Variants in RAPGEF4 observed in about 807,000 individuals in gnomAD.
RAPGEF4 encodes Rap guanine nucleotide exchange factor 4.
A neutral mutation model predicts 147.9 loss-of-function variants in RAPGEF4; 66 were observed. The observed-to-expected ratio is 0.45, with a 90% CI of 0.37 to 0.55. RAPGEF4 has a LOEUF of 0.55. RAPGEF4 is among the 20% of genes least tolerant of loss of function. The pLI is 0.00. For synonymous variants in RAPGEF4, 419 were observed against 442.7 expected (o/e 0.95, Z 0.67); for missense variants, 1,071 against 1,257.3 (o/e 0.85, Z 2.24).
intron 25 of RAPGEF4, 91 bp downstream of exon 25, chr2:173,027,350 G>A (rs1326004780): frequency 2.1e-5 from 24 of 1,129,056 alleles, no homozygotes; most frequent in East Asian, 2.1e-4. Flanking sequence ...AGAAAAGCAG[G>A]ATCTAGGAAC....
chr2:173,038,392 T>C (rs1684316969), intron 29 of RAPGEF4, among the ~76,000 whole-genome samples: 1 of 152,320 alleles, frequency 6.6e-6, no homozygotes, highest in Middle Eastern at 3.4e-3. Context: ...AATTATAAAA[T>C]ATACATGTGC....
intron 15 of RAPGEF4, among the ~76,000 whole-genome samples, chr2:172,991,557 C>A (rs905450641): frequency 6.6e-6 from 1 of 152,168 alleles, no homozygotes; most frequent in Non-Finnish European, 1.5e-5. Context: ...AAGACTGCAT[C>A]AAATGTACCA....
chr2:172,915,522 C>T (rs898819425), intron 4 of RAPGEF4, among the ~76,000 whole-genome samples: 1 of 150,714 alleles, frequency 6.6e-6, no homozygotes, highest in South Asian at 2.1e-4. Context: ...GACAACATGA[C>T]GAAACTCTGT....
In RAPGEF4 at chr2:172,938,909, C is replaced by T. The variant is rs574540551; in HGVS notation, c.537+16609C>T. Among the ~76,000 whole-genome samples, 18 of 152,336 alleles carry T rather than the reference C, an allele frequency of 1.2e-4. No individual in the cohort carries two copies. The South Asian group carries it at 2.5e-3, about 21-fold the overall frequency. On this transcript the variant is annotated intron_variant, in intron 6 of 30. Coordinates refer to ENST00000397081, the MANE Select transcript of RAPGEF4 (RefSeq NM_007023.4). ...TCGATAAAGTTTTGCCTTTTCCAAC[C>T]TGTCATATAAATGACATCATGCGGC...
chr2:173,040,821 A>G (rs947518805), intron 29 of RAPGEF4, among the ~76,000 whole-genome samples: 7 of 152,188 alleles, frequency 4.6e-5, no homozygotes, highest in African/African-American at 1.7e-4. Flanking sequence ...TGGGGGGAAC[A>G]TAAAGGAATA....
intron 10 of RAPGEF4, among the ~76,000 whole-genome samples, chr2:172,977,022 G>A (rs1691147195): frequency 6.6e-6 from 1 of 152,224 alleles, no homozygotes; most frequent in Admixed American, 6.5e-5. Context: ...AAGCAGGGAT[G>A]CCTAATATCT....
At chr2:172,890,194 T>A (rs545969420) in intron 4 of RAPGEF4, among the ~76,000 whole-genome samples, 1 of 152,370 alleles carries the variant, frequency 6.6e-6, no homozygotes, top group East Asian at 1.9e-4. Flanking sequence ...TGAGGAAGAC[T>A]GATGGTAACA....
intron 2 of RAPGEF4, among the ~76,000 whole-genome samples, chr2:172,797,163 G>T (rs1473655281): frequency 6.6e-6 from 1 of 152,170 alleles, no homozygotes; most frequent in Non-Finnish European, 1.5e-5. Flanking sequence ...CACCTTAAAA[G>T]GAGAGGTGCT....
intron 1 of RAPGEF4, among the ~76,000 whole-genome samples, chr2:172,771,523 A>G (rs979068288): frequency 1.3e-5 from 2 of 152,024 alleles, no homozygotes; most frequent in African/African-American, 4.8e-5. Flanking sequence ...TGTAATTGTG[A>G]TTTTTCCCCT....
rs375143380 is a variant in RAPGEF4, at chr2:173,026,568, A to G, written c.2254-4A>G. ...CTGATATGTTTTTGCATTATTATTCATAGACTCCCTTACCAGAACAGGAAG... is the reference window on the plus strand; with the variant it reads ...CTGATATGTTTTTGCATTATTATTCGTAGACTCCCTTACCAGAACAGGAAG... On this transcript the variant is annotated splice_polypyrimidine_tract_variant and splice_region_variant and intron_variant, in intron 23 of 30. Transcript: ENST00000397081. The G allele has an allele frequency of 1.4e-5, 22 of 1,612,270 alleles. No individual in the cohort carries two copies. In the Middle Eastern group the frequency reaches 6.6e-4, roughly 48 times the overall value.
At chr2:172,810,723 T>G (rs761333029) in intron 3 of RAPGEF4, among the ~76,000 whole-genome samples, 1 of 152,158 alleles carries the variant, frequency 6.6e-6, no homozygotes, top group Non-Finnish European at 1.5e-5. Flanking sequence ...ACCCAAAACA[T>G]ACTGCCCTTA....
chr2:172,830,152 C>T (rs1164578684), intron 4 of RAPGEF4, among the ~76,000 whole-genome samples: 1 of 152,024 alleles, frequency 6.6e-6, no homozygotes, highest in Non-Finnish European at 1.5e-5. Flanking sequence ...TGTGGGAGAA[C>T]ATTTATTCCC....
intron 4 of RAPGEF4, among the ~76,000 whole-genome samples, chr2:172,905,692 A>G (rs1699554009): frequency 6.6e-6 from 1 of 152,154 alleles, no homozygotes; most frequent in East Asian, 1.9e-4. Flanking sequence ...TGATTCTTGC[A>G]CTCCAGACCA....
At chr2:172,758,521 G>C (rs567313268) in intron 1 of RAPGEF4, among the ~76,000 whole-genome samples, 73 of 152,306 alleles carry the variant, frequency 4.8e-4, no homozygotes, top group Non-Finnish European at 8.4e-4. Context: ...AGCTATTTCA[G>C]TAATCTAGGT....
chr2:172,797,493 GTTATAT>G, intron 2 of RAPGEF4, 26 bp from the exon 3 acceptor site: 1 of 1,565,034 alleles, frequency 6.4e-7, no homozygotes, highest in African/African-American at 1.4e-5. Context: ...AGTTGTATCT[GTTATAT>G]TTATATCACA....
At chr2:172,768,856 C>T (rs1697093458) in intron 1 of RAPGEF4, among the ~76,000 whole-genome samples, 1 of 152,216 alleles carries the variant, frequency 6.6e-6, no homozygotes, top group South Asian at 2.1e-4. Context: ...AATCTTTCAT[C>T]TCAAACTATT....
intron 6 of RAPGEF4, chr2:172,928,351 G>A (rs1216066323): frequency 9.0e-6 from 3 of 331,662 alleles, no homozygotes; most frequent in Non-Finnish European, 1.8e-5. Flanking sequence ...GAAGTGGTAA[G>A]CTAATTGCAT....
chr2:173,006,745 T>C (rs890960015), intron 17 of RAPGEF4, among the ~76,000 whole-genome samples: 6 of 152,350 alleles, frequency 3.9e-5, no homozygotes, highest in African/African-American at 7.2e-5. Context: ...AAGATTCACA[T>C]AATAGCAGCA....
At chr2:172,965,786 TC>T in intron 9 of RAPGEF4, 103 bp downstream of exon 9, 2 of 1,453,850 alleles carry the variant, frequency 1.4e-6, no homozygotes, top group Non-Finnish European at 1.9e-6. Context: ...AGAATTACGA[TC>T]CCTTTAGGGA....
Sources: allele counts gnomAD v4.1 joint callset (sites outside exome capture counted in the v4.1 genomes callset), GRCh38; gene constraint gnomAD v4.1.1; transcripts MANE v1.5; gene names NCBI Gene and HGNC (gene_info 2026-07-23, HGNC 2026-07-21).